TTN: variants seen among roughly 807,000 people sequenced by gnomAD.
The protein encoded by TTN is titin.
A neutral mutation model predicts 3,223.0 loss-of-function variants in TTN; 1,525 were observed. The observed-to-expected ratio is 0.47, with a 90% CI of 0.45 to 0.49. TTN has a LOEUF of 0.49. Ranked by LOEUF, TTN falls within the 20% of genes least tolerant of loss-of-function variation. The probability of loss-of-function intolerance (pLI) is 0.00; values close to 1 mark genes in which losing one functional copy is unlikely to be tolerated. For synonymous variants in TTN, 14,094 were observed against 15,161.0 expected (o/e 0.93, Z 5.17); for missense variants, 40,786 against 43,424.0 (o/e 0.94, Z 5.40).
In TTN at chr2:178,685,519, T is replaced by C. The variant is rs776940849; in HGVS notation, c.32391A>G (p.Glu10797=). The change falls in exon 128 of 363, where the codon GAA becomes GAG. Residue 10797 remains glutamate (E), a splice_region_variant and synonymous_variant. Transcript: ENST00000589042. Reference sequence around the variant, plus strand: ...AAACTAATTAAAGAGTCAGCATACCTTCAGCTGGCTCAGCTTCCACTCTCT... The same window carrying C: ...AAACTAATTAAAGAGTCAGCATACCCTCAGCTGGCTCAGCTTCCACTCTCT... ...ISKRVEAEPA[E]VTERQEKKIV... The C allele has an allele frequency of 6.2e-7, 1 of 1,611,804 alleles. No homozygotes were observed. Among genetic ancestry groups the C allele is most frequent in the Non-Finnish European group, 8.5e-7 (1 of 1,178,832 alleles).
intron 156 of TTN, among the ~76,000 whole-genome samples, chr2:178,670,736 A>G (rs991430328): frequency 6.6e-6 from 1 of 151,990 alleles, no homozygotes; most frequent in African/African-American, 2.4e-5. Flanking sequence ...TTCACTATGT[A>G]TTTATATTTG....
At chr2:178,744,185 T>C (rs1462902022) in intron 47 of TTN, among the ~76,000 whole-genome samples, 1 of 151,986 alleles carries the variant, frequency 6.6e-6, no homozygotes, top group Admixed American at 6.6e-5. Context: ...TATTGCTAAA[T>C]GCAGGTGACA....
In TTN at chr2:178,800,418, G is replaced by A. The variant is rs754029303; in HGVS notation, c.560C>T (p.Ser187Leu). The change falls in exon 4 of 363, where the codon TCG becomes TTG. Residue 187 changes from serine to leucine, a missense_variant. Coordinates refer to ENST00000589042, the MANE Select transcript of TTN (RefSeq NM_001267550.2). ...NATNSVGRAT[S>L]TAELLVQGEE... ...ACCTTGAACCAGTAATTCAGCAGTC[G>A]AAGTAGCTCTTCCAACGCTATTGGT... 8.1e-6 allele frequency: 13 copies of A among 1,613,998 alleles called. No homozygotes were observed. The highest frequency in any genetic ancestry group is 3.3e-4 in the Middle Eastern group (2 of 6,084).
chr2:178,747,844 A>G, intron 47 of TTN: 1 of 1,612,976 alleles, frequency 6.2e-7, no homozygotes, highest in Non-Finnish European at 8.5e-7. Flanking sequence ...CTCCAGAGGC[A>G]TGAATGTTTG....
intron 354 of TTN, 100 bp downstream of exon 354, chr2:178,538,440 C>T: frequency 8.4e-7 from 1 of 1,190,268 alleles, no homozygotes; most frequent in Non-Finnish European, 1.1e-6. Flanking sequence ...AACACTTGCT[C>T]TCCAATAAAG....
chr2:178,593,982 A>T lies in TTN; in HGVS notation c.58411T>A (p.Phe19471Ile). 1 of 1,613,506 alleles carries T rather than the reference A, an allele frequency of 6.2e-7. No individual in the cohort carries two copies. Among genetic ancestry groups the T allele is most frequent in the Non-Finnish European group, 8.5e-7 (1 of 1,179,658 alleles). ...TTACCAACAACATTAACTTGACAGAAACCTTTCCTAGAGCCTGTACTGTTC... is the reference window on the plus strand; with the variant it reads ...TTACCAACAACATTAACTTGACAGATACCTTTCCTAGAGCCTGTACTGTTC... ...VENSTGSRKG[F>I]CQVNVVDRPG... is the part of the protein sequence containing the mutation. Residue 19471 changes from phenylalanine (F) to isoleucine (I), a missense_variant, in exon 297 of 363, where the codon TTC (phenylalanine) becomes ATC (isoleucine). Phe to Ile is a conservative substitution (Grantham distance 21). Coordinates refer to ENST00000589042, the MANE Select transcript of TTN (RefSeq NM_001267550.2).
Position 178,530,917 on chromosome 2 carries a change from C to T in TTN, c.105698G>A (p.Arg35233Lys), listed in dbSNP as rs1425849774. 1.2e-6 allele frequency: 2 copies of T among 1,613,812 alleles called. No homozygotes were observed. Among genetic ancestry groups the T allele is most frequent in the Non-Finnish European group, 1.7e-6 (2 of 1,179,876 alleles). Reference protein sequence around the residue: ...VTEKAVTSPPRVKSPEPRVKS... With the variant: ...VTEKAVTSPPKVKSPEPRVKS... ...CACCCGAGGCTCTGGGGATTTGACT[C>T]TTGGTGGTGATGTCACAGCCTTTTC... The change falls in exon 358 of 363, where the codon AGA (arginine) becomes AAA (lysine). Residue 35233 changes from arginine to lysine, a missense_variant. Physicochemically the swap from Arg to Lys is conservative, Grantham distance 26 (BLOSUM62 2). Transcript: ENST00000589042.
In TTN at chr2:178,567,322, A is replaced by G. The variant is rs1301545890; in HGVS notation, c.78810T>C (p.Asn26270=). Residue 26270 remains asparagine (N), a synonymous_variant, in exon 326 of 363, where the codon AAT becomes AAC. Transcript: ENST00000589042. ...DGGQYILRAS[N]VAGSKSFPVN... ...CTGGGAATGACTTAGAACCTGCAAC[A>G]TTGGAAGCTCTTAAAATATACTGCC... The G allele has an allele frequency of 6.2e-7, 1 of 1,605,538 alleles. No individual in the cohort carries two copies. The highest frequency in any genetic ancestry group is 8.5e-7 in the Non-Finnish European group (1 of 1,176,998).
intron 156 of TTN, 138 bp downstream of exon 156, chr2:178,670,952 A>G: frequency 1.5e-6 from 1 of 651,520 alleles, no homozygotes; most frequent in Non-Finnish European, 2.6e-6. Flanking sequence ...TGCTTTAAAG[A>G]TATTAGTTTG....
At chr2:178,621,767 C>G (rs773960151) in intron 244 of TTN, 26 bp from the exon 245 acceptor site, 1 of 1,609,002 alleles carries the variant, frequency 6.2e-7, no homozygotes, top group East Asian at 2.2e-5. Flanking sequence ...AAACAAAAAC[C>G]ACATTGAGTT....
In TTN at chr2:178,576,734, T is replaced by G. The variant is rs760127657; in HGVS notation, c.69510A>C (p.Glu23170Asp). ...TCCTTTCTACATGATATCCTGTAAT[T>G]TCGCTGCCACCATCATCCACTGGCC... ...WKRPVDDGGS[E>D]ITGYHVERRE... Residue 23170 changes from glutamate to aspartate, a missense_variant, in exon 325 of 363, where the codon GAA becomes GAC. Physicochemically the swap from Glu to Asp is conservative, Grantham distance 45. Coordinates refer to ENST00000589042, the MANE Select transcript of TTN (RefSeq NM_001267550.2). The surrounding 1 kb of genome is among the most constrained non-coding windows in gnomAD (Gnocchi z 4.3). 9.9e-6 allele frequency: 16 copies of G among 1,613,522 alleles called. No homozygotes were observed. The highest frequency in any genetic ancestry group is 1.4e-5 in the Non-Finnish European group (16 of 1,179,608).
rs777823682 is a variant in TTN at position 178,652,630 on chromosome 2, C to G, written c.39043+23G>C. 4.4e-6 allele frequency: 7 copies of G among 1,608,328 alleles called. No individual in the cohort carries two copies. The East Asian group carries it at 1.3e-4, about 31-fold the overall frequency. On this transcript the variant is annotated intron_variant, in intron 201 of 362. Transcript: ENST00000589042. ...AGAGTAGAAGAGATAGATCTTCTGACGCTTAAACTCAATGACAAATACCTT... is the reference window on the plus strand; with the variant it reads ...AGAGTAGAAGAGATAGATCTTCTGAGGCTTAAACTCAATGACAAATACCTT...
Position 178,574,971 on chromosome 2 carries a change from T to A in TTN, c.71161A>T (p.Ile23721Phe). 6.2e-7 allele frequency: 1 copy of A among 1,613,278 alleles called. No individual in the cohort carries two copies. The highest frequency in any genetic ancestry group is 8.5e-7 in the Non-Finnish European group (1 of 1,179,568). The change falls in exon 326 of 363, where the codon ATT (isoleucine) becomes TTT (phenylalanine). Residue 23721 changes from isoleucine (I) to phenylalanine (F), a missense_variant. Coordinates refer to ENST00000589042, the MANE Select transcript of TTN (RefSeq NM_001267550.2). Reference protein sequence around the residue: ...IVGEVGDVITIQVHDIPGPPT... With the variant: ...IVGEVGDVITFQVHDIPGPPT... ...GGCCCTGGGATATCATGGACTTGAATGGTGATGACATCACCAACCTCTCCT... is the reference window on the plus strand; with the variant it reads ...GGCCCTGGGATATCATGGACTTGAAAGGTGATGACATCACCAACCTCTCCT...
In TTN at chr2:178,672,393, C is replaced by G. The variant is rs1392119864; in HGVS notation, c.34930+14G>C. Reference sequence around the variant, plus strand: ...GCAACAATACACGAAAATCCAGGATCTTTCCAAAAATACCTTTAGCTGGGG... The same window carrying G: ...GCAACAATACACGAAAATCCAGGATGTTTCCAAAAATACCTTTAGCTGGGG... On this transcript the variant is annotated intron_variant, in intron 154 of 362. Coordinates refer to ENST00000589042, the MANE Select transcript of TTN (RefSeq NM_001267550.2). 2 of 1,601,134 alleles carry G rather than the reference C, an allele frequency of 1.2e-6. No homozygotes were observed. The highest frequency in any genetic ancestry group is 2.7e-5 in the African/African-American group (2 of 73,890).
In TTN at chr2:178,585,258, G is replaced by A. The variant is rs1174418465; in HGVS notation, c.64486C>T (p.Pro21496Ser). The A allele has an allele frequency of 1.2e-6, 2 of 1,613,272 alleles. No homozygotes were observed. Among genetic ancestry groups the A allele is most frequent in the South Asian group, 2.2e-5 (2 of 91,036 alleles). ...TCTCCTTTTTTCCATTTACAGGTGGGATGAGGCTTTCCATACACATGGGCT... is the reference window on the plus strand; with the variant it reads ...TCTCCTTTTTTCCATTTACAGGTGGAATGAGGCTTTCCATACACATGGGCT... ...IEAHVYGKPH[P>S]TCKWKKGEDE... Residue 21496 changes from proline to serine, a missense_variant, in exon 309 of 363, where the codon CCC becomes TCC. Coordinates refer to ENST00000589042, the MANE Select transcript of TTN (RefSeq NM_001267550.2).
chr2:178,536,761 T>C, intron 356 of TTN, 177 bp downstream of exon 356: 1 of 799,220 alleles, frequency 1.3e-6, no homozygotes, highest in Non-Finnish European at 1.9e-6. Flanking sequence ...TACAATGGGG[T>C]TAGGATATAT....
At chr2:178,672,307 C>G in intron 154 of TTN, 40 bp from the exon 155 acceptor site, 1 of 1,605,360 alleles carries the variant, frequency 6.2e-7, no homozygotes, top group Non-Finnish European at 8.5e-7. Context: ...TTTTTAAACA[C>G]TGAAGAAATA....
chr2:178,723,711 A>T lies in TTN; in HGVS notation c.21404-15T>A. The T allele has an allele frequency of 2.6e-6, 4 of 1,542,582 alleles. No individual in the cohort carries two copies. The South Asian group carries it at 5.2e-5, about 20-fold the overall frequency. ...AGAGGGTGGTTCTATATAGACATGG[A>T]GAACAATTAAAAGATCCTGTAAGCT... On this transcript the variant is annotated splice_polypyrimidine_tract_variant and intron_variant, in intron 73 of 362. Coordinates refer to ENST00000589042, the MANE Select transcript of TTN (RefSeq NM_001267550.2).
chr2:178,547,714 C>G lies in TTN; in HGVS notation c.93912G>C (p.Val31304=), dbSNP rs1288876263. 2 of 1,613,900 alleles carry G rather than the reference C, an allele frequency of 1.2e-6. No individual in the cohort carries two copies. Among genetic ancestry groups the G allele is most frequent in the Admixed American group, 1.7e-5 (1 of 60,012 alleles). The change falls in exon 339 of 363, where the codon GTG becomes GTC. Residue 31304 remains valine (V), a synonymous_variant. Transcript: ENST00000589042. The part of the protein sequence containing the change: ...AGVKTFSVTV[V]VIGRPGPVTG... ...TTACTGGACCTGGCCTTCCAATGAC[C>G]ACAACTGTGACGCTAAATGTTTTAA...
Sources: allele counts gnomAD v4.1 joint callset (sites outside exome capture counted in the v4.1 genomes callset), GRCh38; gene constraint gnomAD v4.1.1; non-coding constraint Gnocchi (gnomAD v3.1); transcripts MANE v1.5; gene names NCBI Gene and HGNC (gene_info 2026-07-23, HGNC 2026-07-21).